SORCS1: variants seen among roughly 807,000 people sequenced by gnomAD.
SORCS1 encodes the protein sortilin related VPS10 domain containing receptor 1.
SORCS1 carries 60 observed loss-of-function variants against 146.1 expected under a neutral mutation model. The ratio of observed to expected loss-of-function variants is 0.41; its 90% confidence interval spans 0.33 to 0.51. The LOEUF is 0.51. Among genes scored for constraint, SORCS1 ranks in the 20% least tolerant of loss-of-function variants. SORCS1 has a pLI of 0.21. For missense variants in SORCS1, 1,352 were observed against 1,487.6 expected (o/e 0.91, Z 1.50); for synonymous variants, 637 against 584.0 (o/e 1.09, Z -1.31).
intron 1 of SORCS1, among the ~76,000 whole-genome samples, chr10:107,004,546 C>G (rs540994908): frequency 1.3e-5 from 2 of 152,190 alleles, no homozygotes; most frequent in East Asian, 1.9e-4. Context: ...CTCATCAGAA[C>G]AGTATGGAGG....
At chr10:107,124,953 C>CTTTTTTTTTTTTTTTTT (rs577523339) in intron 1 of SORCS1, among the ~76,000 whole-genome samples, 1 of 121,614 alleles carries the variant, frequency 8.2e-6, no homozygotes, top group Non-Finnish European at 1.7e-5. Context: ...TTTTCTTTTT[C>CTTTTTTTTTTTTTTTTT]TTTTTTTTTT....
intron 5 of SORCS1, among the ~76,000 whole-genome samples, chr10:106,746,765 G>A (rs1156869138): frequency 6.6e-6 from 1 of 152,184 alleles, no homozygotes; most frequent in African/African-American, 2.4e-5. Context: ...AAGATGTTGG[G>A]TCCAGGAGCT....
At chr10:106,966,268 C>T (rs764062090) in intron 1 of SORCS1, among the ~76,000 whole-genome samples, 14 of 149,938 alleles carry the variant, frequency 9.3e-5, no homozygotes, top group African/African-American at 2.0e-4. Flanking sequence ...TACATATGCA[C>T]GCACACACCA....
At chr10:106,608,605 T>A (rs1397435303) in intron 22 of SORCS1, among the ~76,000 whole-genome samples, 1 of 152,204 alleles carries the variant, frequency 6.6e-6, no homozygotes, top group Non-Finnish European at 1.5e-5. Context: ...ATAAGTAACT[T>A]ATAATATTAT....
intron 1 of SORCS1, among the ~76,000 whole-genome samples, chr10:107,076,807 T>C (rs1405815446): frequency 1.3e-5 from 2 of 152,174 alleles, no homozygotes; most frequent in Non-Finnish European, 1.5e-5. Flanking sequence ...GTGGCTGTTA[T>C]TCTACTATAT....
chr10:107,174,025 A>G, the SORCS1 span, among the ~76,000 whole-genome samples: 1 of 152,310 alleles, frequency 6.6e-6, no homozygotes, highest in Admixed American at 6.5e-5. Flanking sequence ...ACTTCTAGGA[A>G]TGATGGACTT....
intron 1 of SORCS1, among the ~76,000 whole-genome samples, chr10:107,126,420 G>A (rs913147648): frequency 4.6e-5 from 7 of 151,924 alleles, no homozygotes; most frequent in Non-Finnish European, 1.0e-4. Flanking sequence ...AAACGTCTTC[G>A]ATAGACAGGT....
rs753492206 is a variant in SORCS1 at position 107,164,012 on chromosome 10, G to A, written c.515C>T (p.Ala172Val). 4.3e-6 allele frequency: 7 copies of A among 1,614,032 alleles called. No homozygotes were observed. Among genetic ancestry groups the A allele is most frequent in the Non-Finnish European group, 5.9e-6 (7 of 1,180,014 alleles). Reference protein sequence around the residue: ...STTFALTGDSAHNQAMVHWSG... With the variant: ...STTFALTGDSVHNQAMVHWSG... The stretch of plus-strand genomic sequence containing the variant: ...CCAGTGGACCATGGCTTGGTTGTGT[G>A]CTGAGTCTCCCGTCAGCGCAAACGT... Residue 172 changes from alanine to valine, a missense_variant, in exon 1 of 26, where the codon GCA (alanine) becomes GTA (valine). Around this residue, in one of 3 missense-constraint regions of SORCS1, gnomAD observed 490 missense variants for 489.1 expected, o/e 1.00. Transcript: ENST00000263054. The surrounding 1 kb of genome is among the most constrained non-coding windows in gnomAD (Gnocchi z 6.8).
chr10:106,842,570 A>G (rs572816629), intron 2 of SORCS1, among the ~76,000 whole-genome samples: 1 of 151,604 alleles, frequency 6.6e-6, no homozygotes, highest in East Asian at 2.0e-4. Flanking sequence ...GCTCTTTGTC[A>G]TTTTTAAAAA....
At chr10:107,011,940 T>C (rs1957712495) in intron 1 of SORCS1, among the ~76,000 whole-genome samples, 1 of 152,212 alleles carries the variant, frequency 6.6e-6, no homozygotes, top group Admixed American at 6.5e-5. Context: ...ACTGGTGAAA[T>C]AAGGAGATCT....
At chr10:106,918,037 T>C (rs1003020179) in intron 2 of SORCS1, among the ~76,000 whole-genome samples, 1 of 152,142 alleles carries the variant, frequency 6.6e-6, no homozygotes, top group African/African-American at 2.4e-5. Flanking sequence ...GCCAATTAAG[T>C]TTCCATCATT....
chr10:107,092,494 T>C (rs1461859897), intron 1 of SORCS1, among the ~76,000 whole-genome samples: 1 of 152,224 alleles, frequency 6.6e-6, no homozygotes, highest in African/African-American at 2.4e-5. Context: ...AGTGCTGCTC[T>C]ACTCTCAATG....
At position 106,785,811 on chromosome 10, in the gene SORCS1, C is replaced by T. The variant is rs572756846; in HGVS notation, c.727-9119G>A. On this transcript the variant is annotated intron_variant, in intron 3 of 25. Transcript: ENST00000263054. ...CTGCAGAGCTCTTTGGAAGATGGGC[C>T]TAGAGGGGGTCATCCAGGAGGAAGC... 3.6e-4 allele frequency among the ~76,000 whole-genome samples: 55 copies of T among 152,230 alleles called. No homozygotes were observed. In the South Asian group the frequency reaches 0.01, roughly 29 times the overall value.
chr10:106,998,638 A>G (rs559874690), intron 1 of SORCS1, among the ~76,000 whole-genome samples: 22 of 152,376 alleles, frequency 1.4e-4, no homozygotes, highest in Non-Finnish European at 1.6e-4. Context: ...TTACATTAAG[A>G]GAAGGGCAGA....
chr10:106,765,852 C>T (rs962353445), intron 4 of SORCS1, among the ~76,000 whole-genome samples: 9 of 151,886 alleles, frequency 5.9e-5, no homozygotes, highest in Admixed American at 1.3e-4. Context: ...TTTCAATATT[C>T]CTAAATCGGA....
At chr10:107,021,513 C>CAAAAAAAAA (rs869141427) in intron 1 of SORCS1, among the ~76,000 whole-genome samples, 4 of 68,594 alleles carry the variant, frequency 5.8e-5, no homozygotes, top group Non-Finnish European at 8.2e-5. Context: ...CACTCCGTCT[C>CAAAAAAAAA]AAAAAAAAAA....
intron 1 of SORCS1, among the ~76,000 whole-genome samples, chr10:107,006,126 C>G (rs918939238): frequency 3.9e-5 from 6 of 152,184 alleles, no homozygotes; most frequent in African/African-American, 1.4e-4. Flanking sequence ...ACTGAACTCT[C>G]ATTTATGTAC....
intron 2 of SORCS1, among the ~76,000 whole-genome samples, chr10:106,831,369 GCA>G (rs1449568742): frequency 6.6e-6 from 1 of 152,110 alleles, no homozygotes; most frequent in African/African-American, 2.4e-5. Context: ...TAAGGACATA[GCA>G]CACAGCCTCT....
At chr10:107,093,557 C>T (rs112190290) in intron 1 of SORCS1, among the ~76,000 whole-genome samples, 185 of 152,012 alleles carry the variant, frequency 1.2e-3, no homozygotes, top group African/African-American at 4.1e-3. Context: ...CCCGTAGTCC[C>T]AGCTACTTGG....
Sources: gnomAD v4.1 joint callset for allele counts (sites outside exome capture counted in the v4.1 genomes callset) on GRCh38, gnomAD v4.1.1 for gene constraint, gnomAD v4.1.1 regional missense constraint, Gnocchi (gnomAD v3.1) non-coding constraint, MANE v1.5 for transcripts, NCBI Gene and HGNC (gene_info 2026-07-23, HGNC 2026-07-21) for gene names.